Variants in DDX54 observed in about 807,000 individuals in gnomAD.
The protein encoded by DDX54 is DEAD-box helicase 54, also known as ATP-dependent RNA helicase DDX54.
Under a neutral mutation model 105.5 loss-of-function variants are expected in DDX54, and 67 were observed. The ratio of observed to expected loss-of-function variants is 0.64; its 90% confidence interval spans 0.52 to 0.78. DDX54 has a LOEUF of 0.78. Ranked by LOEUF, DDX54 falls within the 30% of genes least tolerant of loss-of-function variation. DDX54 has a pLI of 0.00. For missense variants in DDX54, 1,206 were observed against 1,230.5 expected, an observed-to-expected ratio of 0.98 and a Z score of 0.30; for synonymous variants, 514 against 509.9, an observed-to-expected ratio of 1.01 and a Z score of -0.11.
rs1201654116 is a variant in DDX54 at position 113,179,948 on chromosome 12, G to T, written c.362C>A (p.Pro121His). Residue 121 changes from proline to histidine, a missense_variant, in exon 3 of 20, where the codon CCC becomes CAC. Physicochemically the swap from Pro to His is moderately conservative, Grantham distance 77 (BLOSUM62 -2). This residue lies in a region of DDX54 where 33 missense variants were observed against 56.0 expected (regional missense o/e 0.59). Coordinates refer to ENST00000306014, the MANE Select transcript of DDX54 (RefSeq NM_024072.4). ...IMKKGYKVPTPIQRKTIPVIL... is the reference protein window; with the variant it reads ...IMKKGYKVPTHIQRKTIPVIL... ...CCCACCCCTCACCTTCCTCTGGATG[G>T]GTGTTGGCACCTTGTACCCCTTCTT... 2 of 1,613,978 alleles carry T rather than the reference G, an allele frequency of 1.2e-6. No homozygotes were observed. Among genetic ancestry groups the T allele is most frequent in the Non-Finnish European group, 1.7e-6 (2 of 1,180,026 alleles).
At chr12:113,178,487 A>G (rs1001081962) in intron 5 of DDX54, 1 of 154,312 alleles carries the variant, frequency 6.5e-6, no homozygotes, top group Non-Finnish European at 1.4e-5. Flanking sequence ...TAATGTTGGT[A>G]AGTTCTGATA....
At chr12:113,161,785 G>A (rs1034824437) in intron 18 of DDX54, 108 bp downstream of exon 18, 4 of 117,044 alleles carry the variant, frequency 3.4e-5, no homozygotes, top group South Asian at 5.5e-5. Context: ...GCTCAGCCCC[G>A]CCCCCTCCTC....
Position 113,157,379 on chromosome 12 carries a change from G to A in DDX54, c.*1498C>T, listed in dbSNP as rs1952140736. Reference sequence around the variant, plus strand: ...TGACAGCAGCGAGGAAGCTGTGAAGGTGTCTGCTCACGCAGCAGTTGGGAA... The same window carrying A: ...TGACAGCAGCGAGGAAGCTGTGAAGATGTCTGCTCACGCAGCAGTTGGGAA... On this transcript the variant is annotated 3_prime_UTR_variant, in exon 20 of 20. Coordinates refer to ENST00000306014, the MANE Select transcript of DDX54 (RefSeq NM_024072.4). 1 of 582,604 alleles carries A rather than the reference G, an allele frequency of 1.7e-6. No individual in the cohort carries two copies. The highest frequency in any genetic ancestry group is 3.1e-6 in the Non-Finnish European group (1 of 325,570). The allele number at this position is 582,604 out of a possible 1,614,324, so 36.1% of individuals were successfully genotyped here.
chr12:113,161,244 C>T (rs1318550937), intron 19 of DDX54, 26 bp downstream of exon 19: 1 of 1,586,336 alleles, frequency 6.3e-7, no homozygotes, highest in Non-Finnish European at 8.6e-7. Context: ...TACCTGTGCA[C>T]CCACACTCCC....
chr12:113,174,577 A>G, intron 10 of DDX54, 63 bp downstream of exon 10: 1 of 1,580,192 alleles, frequency 6.3e-7, no homozygotes, highest in Non-Finnish European at 8.6e-7. Context: ...GTGACTGCAC[A>G]GGGAACTGCA....
rs552175395 is a variant in DDX54, at chr12:113,175,070, C to A, written c.840G>T (p.Thr280=). ...CAAATTCCACCAGCAGTTTGGGCAG[C>A]GTGGCGGAGAACAGCACCGTCTGGT... is the stretch of plus-strand genomic sequence containing the variant. ...GGHQTVLFSA[T]LPKLLVEFAR... is the part of the protein sequence containing the mutation. Residue 280 remains threonine (T), a synonymous_variant, in exon 8 of 20, where the codon ACG becomes ACT. Transcript: ENST00000306014. The A allele has an allele frequency of 1.2e-6, 2 of 1,613,944 alleles. No individual in the cohort carries two copies. The highest frequency in any genetic ancestry group is 1.7e-6 in the Non-Finnish European group (2 of 1,180,008).
Position 113,179,842 on chromosome 12 carries a change from A to G in DDX54, c.375+93T>C, listed in dbSNP as rs1476459250. On this transcript the variant is annotated intron_variant, in intron 3 of 19. Transcript: ENST00000306014. ...CAGAGTAAAGGGGGCAGGAGATGTG[A>G]CAGGTGGGACAAGGGGTGGCTGTCA... 3.5e-6 allele frequency: 5 copies of G among 1,418,382 alleles called. No homozygotes were observed. The Admixed American group carries it at 6.7e-5, about 19-fold the overall frequency. 87.9% of individuals were successfully genotyped at this position (1,418,382 alleles called of 1,614,324 possible).
In DDX54 at chr12:113,158,992, C is replaced by A. The variant is rs750083509; in HGVS notation, c.2531G>T (p.Arg844Leu). The change falls in exon 20 of 20, where the codon CGT becomes CTT. Residue 844 changes from arginine to leucine, a missense_variant. By Grantham distance (102) the Arg-to-Leu change is moderately radical (BLOSUM62 -2). Around this residue, in one of 3 missense-constraint regions of DDX54, gnomAD observed 961 missense variants for 1,019.1 expected, o/e 0.94. Transcript: ENST00000306014. The surrounding 1 kb of genome is among the most constrained non-coding windows in gnomAD (Gnocchi z 4.9). ...GGCAGAGAGCTGCTTGAGGCCACCA[C>A]GCTGCAGGAAGTGCAGCTTCTGGGC... ...RRAQKLHFLQ[R>L]GGLKQLSARN... 4 of 1,611,504 alleles carry A rather than the reference C, an allele frequency of 2.5e-6. No individual in the cohort carries two copies. The Admixed American group carries it at 6.7e-5, about 27-fold the overall frequency.
intron 7 of DDX54, among the ~76,000 whole-genome samples, chr12:113,175,462 C>T (rs1401686895): frequency 6.6e-6 from 1 of 152,136 alleles, no homozygotes; most frequent in Non-Finnish European, 1.5e-5. Context: ...TTCAAGAACA[C>T]CCTAGGCGAG....
rs768085133 is a variant in DDX54 at position 113,163,116 on chromosome 12, C to T, written c.2081+16G>A. ...CGGACCCAACTGCCCCACCCAGGAC[C>T]CAGCCAGCCACTCACCCCCGCTCGC... On this transcript the variant is annotated intron_variant, in intron 16 of 19. Transcript: ENST00000306014. This position sits in a 1 kb window ranked among gnomAD's most constrained non-coding sequence, Gnocchi z 5.9. 22 of 1,612,202 alleles carry T rather than the reference C, an allele frequency of 1.4e-5. No individual in the cohort carries two copies. The highest frequency in any genetic ancestry group is 1.8e-5 in the Non-Finnish European group (21 of 1,179,796).
At position 113,161,265 on chromosome 12, in the gene DDX54, C is replaced by G. The variant is rs766535124; in HGVS notation, c.2413+5G>C. ...TGCACCCACACTCCCCACCCTGGCT[C>G]TCACCTTGGCCACGGTCTCGCTTCC... On this transcript the variant is annotated splice_donor_5th_base_variant and intron_variant, in intron 19 of 19. Transcript: ENST00000306014. 13 of 1,609,670 alleles carry G rather than the reference C, an allele frequency of 8.1e-6. No homozygotes were observed. The Admixed American group carries it at 2.2e-4, about 27-fold the overall frequency.
chr12:113,185,427 C>A lies in DDX54; in HGVS notation c.25G>T (p.Ala9Ser). The stretch of plus-strand genomic sequence containing the variant: ...ATGGCAGCTCGCGACCGAGGTCCAG[C>A]CGCCGGGCCCTTGTCGGCCGCCATT... The part of the protein sequence containing the change: MAADKGPA[A>S]GPRSRAAMAQ... Residue 9 changes from alanine (A) to serine (S), a missense_variant, in exon 1 of 20, where the codon GCT becomes TCT. By Grantham distance (99) the Ala-to-Ser change is moderately conservative (BLOSUM62 1). Around this residue, in one of 3 missense-constraint regions of DDX54, gnomAD observed 212 missense variants for 155.4 expected, o/e 1.36. Transcript: ENST00000306014. 1.3e-6 allele frequency: 2 copies of A among 1,521,368 alleles called. No homozygotes were observed. Among genetic ancestry groups the A allele is most frequent in the Non-Finnish European group, 1.8e-6 (2 of 1,137,614 alleles). The allele number at this position is 1,521,368 out of a possible 1,614,324, so 94.2% of individuals were successfully genotyped here.
chr12:113,159,225 T>A (rs957156230), intron 19 of DDX54, 116 bp from the exon 20 acceptor site: 8 of 1,168,860 alleles, frequency 6.8e-6, no homozygotes, highest in Non-Finnish European at 9.5e-6. Flanking sequence ...CTTATTGCTG[T>A]GGCCCAGTGT....
chr12:113,180,991 G>A lies in DDX54; in HGVS notation c.242C>T (p.Thr81Ile). ...GTTCTGGGCACGCACCATCTCCCGG[G>A]TGTCCGGCTCCACATCCGAGGTGCA... ...SECTSDVEPDTREMVRAQNKK... is the reference protein window; with the variant it reads ...SECTSDVEPDIREMVRAQNKK... The change falls in exon 2 of 20, where the codon ACC becomes ATC. Residue 81 changes from threonine to isoleucine, a missense_variant. Coordinates refer to ENST00000306014, the MANE Select transcript of DDX54 (RefSeq NM_024072.4). 6.2e-7 allele frequency: 1 copy of A among 1,613,854 alleles called. No individual in the cohort carries two copies. The highest frequency in any genetic ancestry group is 1.3e-5 in the African/African-American group (1 of 75,054).
chr12:113,174,054 C>T (rs1304906711), intron 10 of DDX54, among the ~76,000 whole-genome samples: 1 of 151,970 alleles, frequency 6.6e-6, no homozygotes, highest in Non-Finnish European at 1.5e-5. Flanking sequence ...ATGGTGGCGC[C>T]TGAAGTCTCA....
At chr12:113,179,067 G>A in intron 4 of DDX54, 41 bp from the exon 5 acceptor site, 1 of 1,613,650 alleles carries the variant, frequency 6.2e-7, no homozygotes, top group Non-Finnish European at 8.5e-7. Context: ...GGGGTGAGAT[G>A]ACAGCACACT....
Position 113,157,379 on chromosome 12 carries a change from G to GTGTC in DDX54, c.*1494_*1497dup. The stretch of plus-strand genomic sequence containing the variant: ...TGACAGCAGCGAGGAAGCTGTGAAG[G>GTGTC]TGTCTGCTCACGCAGCAGTTGGGAA... On this transcript the variant is annotated 3_prime_UTR_variant, in exon 20 of 20. Coordinates refer to ENST00000306014, the MANE Select transcript of DDX54 (RefSeq NM_024072.4). 1.7e-6 allele frequency: 1 copy of GTGTC among 582,604 alleles called. No individual in the cohort carries two copies. The highest frequency in any genetic ancestry group is 3.1e-6 in the Non-Finnish European group (1 of 325,570). The allele number at this position is 582,604 out of a possible 1,614,324, so 36.1% of individuals were successfully genotyped here.
intron 10 of DDX54, among the ~76,000 whole-genome samples, chr12:113,174,149 A>G (rs933900804): frequency 6.6e-6 from 1 of 151,596 alleles, no homozygotes; most frequent in Non-Finnish European, 1.5e-5. Context: ...ACTGCACTCC[A>G]GCCTGGGCGA....
At chr12:113,160,286 A>G (rs1952187359) in intron 19 of DDX54, among the ~76,000 whole-genome samples, 1 of 152,092 alleles carries the variant, frequency 6.6e-6, no homozygotes, top group Admixed American at 6.5e-5. Flanking sequence ...GTGGAGGGAC[A>G]CAAGCAGGGG....
Sources: allele counts gnomAD v4.1 joint callset (sites outside exome capture counted in the v4.1 genomes callset), GRCh38; gene constraint gnomAD v4.1.1; regional missense constraint gnomAD v4.1.1; non-coding constraint Gnocchi (gnomAD v3.1); transcripts MANE v1.5; gene names NCBI Gene and HGNC (gene_info 2026-07-23, HGNC 2026-07-21).